The following PLCB4 variants were observed in gnomAD, a reference collection of about 807,000 sequenced individuals.
PLCB4 encodes phospholipase C beta 4, also known as 1-phosphatidylinositol 4,5-bisphosphate phosphodiesterase beta-4.
Under a neutral mutation model 178.8 loss-of-function variants are expected in PLCB4, and 77 were observed. The observed-to-expected ratio is 0.43, with a 90% confidence interval of 0.36 to 0.52. The LOEUF is 0.52. PLCB4 is among the 20% of genes least tolerant of loss of function. PLCB4 has a pLI of 0.00. For missense variants in PLCB4, 1,024 were observed against 1,453.4 expected (o/e 0.70, Z 4.80); for synonymous variants, 496 against 490.8 (o/e 1.01, Z -0.14).
rs2035186133 is a variant in PLCB4 at position 9,360,040 on chromosome 20, G to A, written c.370-2856G>A. ...GGGCCTTTACCATGTCGTGAGGAGA[G>A]AAGTGTGGGCAAGCCATTGGGTGAA... On this transcript the variant is annotated intron_variant, in intron 7 of 39. Transcript: ENST00000378473. Among the ~76,000 whole-genome samples the A allele has an allele frequency of 4.6e-5, 7 of 152,340 alleles. 1 individual carries two copies. In the South Asian group the frequency reaches 1.5e-3, roughly 32 times the overall value.
intron 3 of PLCB4, among the ~76,000 whole-genome samples, chr20:9,252,486 C>T (rs532367373): frequency 5.9e-5 from 9 of 152,194 alleles, no homozygotes; most frequent in Admixed American, 5.9e-4. Flanking sequence ...CTGTTGCCTG[C>T]ACCCTATCCC....
chr20:9,284,054 T>C (rs1195183755), intron 3 of PLCB4, among the ~76,000 whole-genome samples: 2 of 151,944 alleles, frequency 1.3e-5, no homozygotes, highest in Non-Finnish European at 2.9e-5. Context: ...GAAAACAAAA[T>C]ATATGTAGTC....
At chr20:9,234,274 T>C (rs1404188368) in intron 3 of PLCB4, among the ~76,000 whole-genome samples, 4 of 152,064 alleles carry the variant, frequency 2.6e-5, no homozygotes, top group South Asian at 2.1e-4. Context: ...AGTGTTTGAG[T>C]GTAAATGGCA....
At chr20:9,154,915 CCTTCCTTCCT>C (rs1568853102) in intron 2 of PLCB4, among the ~76,000 whole-genome samples, 12 of 118,362 alleles carry the variant, frequency 1.0e-4, no homozygotes, top group Non-Finnish European at 1.9e-4. Flanking sequence ...CTCCTTCCTT[CCTTCCTTCCT>C]TCCTTCCTTC....
At chr20:9,154,669 G>A (rs1201115341) in intron 2 of PLCB4, among the ~76,000 whole-genome samples, 1 of 152,116 alleles carries the variant, frequency 6.6e-6, no homozygotes. Flanking sequence ...CCAGATCTTA[G>A]CAGAGTCTAG....
chr20:9,283,864 T>A (rs1418375433), intron 3 of PLCB4, among the ~76,000 whole-genome samples: 2 of 151,974 alleles, frequency 1.3e-5, no homozygotes, highest in Non-Finnish European at 2.9e-5. Context: ...TTTTTAATGT[T>A]CCATTTAATT....
chr20:9,084,823 A>C (rs775933011), intron 1 of PLCB4, among the ~76,000 whole-genome samples: 13 of 152,156 alleles, frequency 8.5e-5, no homozygotes, highest in Non-Finnish European at 1.9e-4. Context: ...TAAAAAAAGA[A>C]TATATTTTCA....
intron 2 of PLCB4, among the ~76,000 whole-genome samples, chr20:9,108,923 G>A (rs919831450): frequency 6.7e-6 from 1 of 150,084 alleles, no homozygotes; most frequent in South Asian, 2.1e-4. Context: ...GAGAGAGAGA[G>A]AGAAAGAGAG....
intron 2 of PLCB4, among the ~76,000 whole-genome samples, chr20:9,198,899 T>A (rs1300689443): frequency 6.6e-6 from 1 of 152,206 alleles, no homozygotes; most frequent in African/African-American, 2.4e-5. Context: ...TTCTCTTTTT[T>A]AAAGGCCACC....
intron 12 of PLCB4, among the ~76,000 whole-genome samples, chr20:9,377,352 C>G (rs1340091708): frequency 6.6e-6 from 1 of 152,172 alleles, no homozygotes; most frequent in African/African-American, 2.4e-5. Flanking sequence ...GTGAAACATT[C>G]ACCTCACTGT....
chr20:9,263,913 A>C (rs2094323000), intron 3 of PLCB4, among the ~76,000 whole-genome samples: 1 of 152,202 alleles, frequency 6.6e-6, no homozygotes. Context: ...AGTATCAGCA[A>C]GTTCATTTTT....
At chr20:9,084,030 T>C (rs1267594286) in intron 1 of PLCB4, among the ~76,000 whole-genome samples, 1 of 152,234 alleles carries the variant, frequency 6.6e-6, no homozygotes, top group Non-Finnish European at 1.5e-5. Flanking sequence ...AACAAAGTAT[T>C]ACAGACCAAA....
chr20:9,452,890 A>G (rs2042848932), intron 32 of PLCB4, among the ~76,000 whole-genome samples: 1 of 152,232 alleles, frequency 6.6e-6, no homozygotes, highest in South Asian at 2.1e-4. Flanking sequence ...GTGTTTAGAA[A>G]CCATGTCACA....
Position 9,349,132 on chromosome 20 carries a change from A to G in PLCB4, c.369+10095A>G, listed in dbSNP as rs912200891. On this transcript the variant is annotated intron_variant, in intron 7 of 39. Transcript: ENST00000378473. ...ATTTCCCCTTCTGTGTCTTTTCTTA[A>G]TTCAAGTGAAATTTATGTAACATAA... is the stretch of plus-strand genomic sequence containing the variant. Among the ~76,000 whole-genome samples the G allele has an allele frequency of 7.2e-5, 11 of 152,304 alleles. 1 individual carries two copies. Among genetic ancestry groups the G allele is most frequent in the South Asian group, 2.1e-4 (1 of 4,826 alleles).
chr20:9,354,840 G>T (rs570062998), intron 7 of PLCB4, among the ~76,000 whole-genome samples: 2 of 152,148 alleles, frequency 1.3e-5, no homozygotes, highest in African/African-American at 4.8e-5. Context: ...CAACTCTGTG[G>T]TTCACAAATG....
At chr20:9,338,535 G>T (rs1601936836) in intron 6 of PLCB4, among the ~76,000 whole-genome samples, 1 of 151,874 alleles carries the variant, frequency 6.6e-6, no homozygotes, top group African/African-American at 2.4e-5. Flanking sequence ...CAAAAATTAG[G>T]GTGTGTTAGC....
intron 30 of PLCB4, among the ~76,000 whole-genome samples, chr20:9,437,523 A>C (rs2041848595): frequency 6.6e-6 from 1 of 152,248 alleles, no homozygotes; most frequent in African/African-American, 2.4e-5. Context: ...TGGCATCACA[A>C]AGAATCACGT....
intron 2 of PLCB4, among the ~76,000 whole-genome samples, chr20:9,197,493 C>T (rs956490602): frequency 1.6e-4 from 24 of 152,150 alleles, no homozygotes; most frequent in African/African-American, 5.1e-4. Context: ...TAGAATATAG[C>T]GGATTAATGA....
chr20:9,377,082 T>A (rs2036739285), intron 12 of PLCB4, among the ~76,000 whole-genome samples: 1 of 152,206 alleles, frequency 6.6e-6, no homozygotes. Flanking sequence ...TCTATATTTT[T>A]AAAATATTAT....
Sources: allele counts gnomAD v4.1 joint callset (sites outside exome capture counted in the v4.1 genomes callset), GRCh38; gene constraint gnomAD v4.1.1; transcripts MANE v1.5; gene names NCBI Gene and HGNC (gene_info 2026-07-23, HGNC 2026-07-21).